Variants in PDE4D observed in about 807,000 individuals in gnomAD.
PDE4D encodes the protein 3',5'-cyclic-AMP phosphodiesterase 4D.
PDE4D carries 24 observed loss-of-function variants against 87.4 expected under a neutral mutation model. The observed-to-expected ratio is 0.27, with a 90% CI of 0.20 to 0.39. The LOEUF is 0.39. Among genes scored for constraint, PDE4D ranks in the 10% least tolerant of loss-of-function variants. PDE4D has a pLI of 1.00. For missense variants in PDE4D, 714 were observed against 1,041.0 expected (o/e 0.69, Z 4.32); for synonymous variants, 384 against 383.2 (o/e 1.00, Z -0.02).
chr5:60,418,347 AGACT>A (rs1288969531), intron 1 of PDE4D, among the ~76,000 whole-genome samples: 1 of 145,774 alleles, frequency 6.9e-6, no homozygotes, highest in Non-Finnish European at 1.6e-5. Context: ...TTTGAAAATC[AGACT>A]GACTAAAATG....
intron 1 of PDE4D, among the ~76,000 whole-genome samples, chr5:59,325,849 T>C (rs557776709): frequency 6.6e-6 from 1 of 151,124 alleles, no homozygotes; most frequent in East Asian, 1.9e-4. Flanking sequence ...AGGTCTACTC[T>C]AGATTTTTTT....
chr5:59,443,222 G>A (rs1198253829), intron 1 of PDE4D, among the ~76,000 whole-genome samples: 2 of 152,130 alleles, frequency 1.3e-5, no homozygotes, highest in Non-Finnish European at 2.9e-5. Context: ...TTTACACAAC[G>A]ACTCTTTTGC....
chr5:59,841,345 TC>T (rs1005896488), intron 1 of PDE4D, among the ~76,000 whole-genome samples: 1 of 152,122 alleles, frequency 6.6e-6, no homozygotes, highest in Non-Finnish European at 1.5e-5. Context: ...AGCATCTGAC[TC>T]CTTTTAGACT....
At chr5:59,497,994 A>C (rs1327061400) in intron 1 of PDE4D, among the ~76,000 whole-genome samples, 1 of 152,160 alleles carries the variant, frequency 6.6e-6, no homozygotes, top group Non-Finnish European at 1.5e-5. Flanking sequence ...AAACCATACA[A>C]GCCAGAAGAG....
chr5:59,591,994 A>T (rs1205109213), intron 1 of PDE4D: 1 of 203,536 alleles, frequency 4.9e-6, no homozygotes, highest in Non-Finnish European at 8.7e-6. Context: ...GTAATTATAC[A>T]TTTTTTTCTT....
chr5:59,134,744 A>G (rs1343759775), intron 5 of PDE4D, among the ~76,000 whole-genome samples: 1 of 152,172 alleles, frequency 6.6e-6, no homozygotes, highest in African/African-American at 2.4e-5. Flanking sequence ...TTCATTCCAC[A>G]TTATATATAT....
At chr5:60,447,658 G>C (rs1745752527) in intron 1 of PDE4D, among the ~76,000 whole-genome samples, 1 of 152,102 alleles carries the variant, frequency 6.6e-6, no homozygotes, top group Admixed American at 6.6e-5. Flanking sequence ...CAATGGCGGG[G>C]AAGGAAAAAT....
intron 3 of PDE4D, among the ~76,000 whole-genome samples, chr5:59,925,608 T>G (rs566374742): frequency 2.0e-5 from 3 of 152,274 alleles, no homozygotes; most frequent in Non-Finnish European, 4.4e-5. Flanking sequence ...AACAATCTGT[T>G]GCCTACAAGA....
chr5:60,273,121 A>G (rs545005450), intron 1 of PDE4D, among the ~76,000 whole-genome samples: 362 of 152,342 alleles, frequency 2.4e-3, no homozygotes, highest in South Asian at 0.011. Context: ...ACTGAGGAAG[A>G]TAAACAAGTA....
intron 1 of PDE4D, among the ~76,000 whole-genome samples, chr5:59,608,232 G>A (rs1828491162): frequency 6.6e-6 from 1 of 152,088 alleles, no homozygotes; most frequent in Non-Finnish European, 1.5e-5. Flanking sequence ...GACAAGGATG[G>A]ATTTTAATGT....
intron 3 of PDE4D, among the ~76,000 whole-genome samples, chr5:59,973,287 G>T (rs879937447): frequency 1.3e-5 from 2 of 151,980 alleles, no homozygotes; most frequent in Non-Finnish European, 2.9e-5. Flanking sequence ...CCACAATTTT[G>T]TAAATCAAAA....
At chr5:60,271,545 A>C (rs1209230041) in intron 1 of PDE4D, among the ~76,000 whole-genome samples, 1 of 152,220 alleles carries the variant, frequency 6.6e-6, no homozygotes, top group Non-Finnish European at 1.5e-5. Flanking sequence ...GACTGGTTAC[A>C]TGAGAGCCAG....
At chr5:59,804,423 C>T (rs879461283) in intron 1 of PDE4D, among the ~76,000 whole-genome samples, 1 of 152,180 alleles carries the variant, frequency 6.6e-6, no homozygotes, top group Non-Finnish European at 1.5e-5. Flanking sequence ...ACTCGTTGGT[C>T]GATGGGCAAC....
intron 1 of PDE4D, among the ~76,000 whole-genome samples, chr5:60,398,610 C>T (rs1436620749): frequency 6.6e-6 from 1 of 152,116 alleles, no homozygotes; most frequent in African/African-American, 2.4e-5. Context: ...TCTACAACAC[C>T]CATTGCATTG....
intron 2 of PDE4D, among the ~76,000 whole-genome samples, chr5:59,993,321 A>G (rs1046762048): frequency 2.0e-5 from 3 of 152,220 alleles, no homozygotes; most frequent in African/African-American, 7.2e-5. Context: ...TTTGGCAAAT[A>G]TCCAGGCACA....
At chr5:60,503,148 A>G (rs1750171494) in intron 1 of PDE4D, among the ~76,000 whole-genome samples, 2 of 152,156 alleles carry the variant, frequency 1.3e-5, no homozygotes, top group Non-Finnish European at 2.9e-5. Flanking sequence ...TAGTATCAAT[A>G]TTAACCATCA....
At chr5:59,887,738 TTTGTGTGTGTG>T (rs1561819010) in intron 1 of PDE4D, among the ~76,000 whole-genome samples, 1 of 151,860 alleles carries the variant, frequency 6.6e-6, no homozygotes, top group African/African-American at 2.4e-5. Flanking sequence ...TGTGTGTGTG[TTTGTGTGTGTG>T]TGTGTGTGTA....
At chr5:59,129,199 G>A (rs764977745) in intron 5 of PDE4D, among the ~76,000 whole-genome samples, 7 of 152,174 alleles carry the variant, frequency 4.6e-5, no homozygotes, top group Non-Finnish European at 5.9e-5. Context: ...TTCACAACTA[G>A]TGTAAAGGTT....
chr5:60,163,046 C>A (rs1465003295), intron 2 of PDE4D, among the ~76,000 whole-genome samples: 1 of 152,110 alleles, frequency 6.6e-6, no homozygotes, highest in South Asian at 2.1e-4. Context: ...TATCAAATAA[C>A]AGCTGTACCA....
Sources: gnomAD v4.1 joint callset for allele counts (sites outside exome capture counted in the v4.1 genomes callset) on GRCh38, gnomAD v4.1.1 for gene constraint, MANE v1.5 for transcripts, NCBI Gene and HGNC (gene_info 2026-07-23, HGNC 2026-07-21) for gene names.